PLCB1: variants seen among roughly 807,000 people sequenced by gnomAD.
PLCB1 encodes 1-phosphatidylinositol 4,5-bisphosphate phosphodiesterase beta-1.
PLCB1 carries 46 observed loss-of-function variants against 161.8 expected under a neutral mutation model. The ratio of observed to expected loss-of-function variants is 0.28; its 90% CI spans 0.22 to 0.36. PLCB1 has a LOEUF of 0.36. Among genes scored for constraint, PLCB1 ranks in the 10% least tolerant of loss-of-function variants. The probability of loss-of-function intolerance (pLI) is 1.00; values close to 1 mark genes in which losing one functional copy is unlikely to be tolerated. For synonymous variants in PLCB1, 517 were observed against 503.7 expected (o/e 1.03, Z -0.35); for missense variants, 1,016 against 1,472.5 (o/e 0.69, Z 5.07).
intron 2 of PLCB1, among the ~76,000 whole-genome samples, chr20:8,299,503 C>T (rs1048924265): frequency 2.6e-5 from 4 of 152,164 alleles, no homozygotes; most frequent in Non-Finnish European, 4.4e-5. Flanking sequence ...TGGATGGAAA[C>T]ATACCTGCTG....
In PLCB1 at chr20:8,729,187, T is replaced by C. The variant is rs1980097103; in HGVS notation, c.1888+13T>C. On this transcript the variant is annotated intron_variant, in intron 18 of 31. Transcript: ENST00000338037. ...TTCCAGACAATGGGTAAGTACATGC[T>C]TGTTCCCATTCTGCTATGAACTCAC... 6.3e-7 allele frequency: 1 copy of C among 1,596,114 alleles called. No individual in the cohort carries two copies.
At chr20:8,673,927 C>G (rs1414202614) in intron 9 of PLCB1, among the ~76,000 whole-genome samples, 1 of 152,152 alleles carries the variant, frequency 6.6e-6, no homozygotes, top group Non-Finnish European at 1.5e-5. Flanking sequence ...TGACAGCTCT[C>G]TTTAGCTGCC....
intron 3 of PLCB1, among the ~76,000 whole-genome samples, chr20:8,549,051 G>A (rs970831915): frequency 4.2e-4 from 64 of 152,222 alleles, no homozygotes; most frequent in African/African-American, 1.5e-3. Context: ...AATACATGCA[G>A]GGCTTAAAAC....
At chr20:8,790,671 C>G (rs1218888091) in intron 31 of PLCB1, among the ~76,000 whole-genome samples, 1 of 152,122 alleles carries the variant, frequency 6.6e-6, no homozygotes, top group East Asian at 1.9e-4. Flanking sequence ...ATGCCCTGCA[C>G]CAAAATCACT....
chr20:8,488,062 A>T (rs953208662), intron 3 of PLCB1, among the ~76,000 whole-genome samples: 6 of 152,220 alleles, frequency 3.9e-5, no homozygotes, highest in African/African-American at 1.4e-4. Flanking sequence ...TCGAAGTCTT[A>T]CTATGTTTAA....
At chr20:8,414,491 T>G (rs761230918) in intron 3 of PLCB1, among the ~76,000 whole-genome samples, 2 of 152,106 alleles carry the variant, frequency 1.3e-5, no homozygotes, top group African/African-American at 4.8e-5. Flanking sequence ...TTCTGAATCC[T>G]GTATGAATGC....
chr20:8,318,219 A>G (rs1984747477), intron 2 of PLCB1, among the ~76,000 whole-genome samples: 2 of 152,186 alleles, frequency 1.3e-5, no homozygotes, highest in African/African-American at 4.8e-5. Context: ...TCTAGGACTT[A>G]AAAGTCTTTT....
chr20:8,392,622 A>G (rs75536780), intron 3 of PLCB1, among the ~76,000 whole-genome samples: 4,551 of 152,276 alleles, frequency 0.03, 104 homozygotes, highest in Non-Finnish European at 0.044. Flanking sequence ...TGGGAGAACT[A>G]AATGATATAC....
intron 23 of PLCB1, 114 bp downstream of exon 23, chr20:8,741,687 A>T: frequency 1.5e-6 from 1 of 657,982 alleles, no homozygotes; most frequent in East Asian, 2.8e-5. Flanking sequence ...ACATTGGAAC[A>T]ACACTTTCAT....
chr20:8,766,670 T>A (rs369085302), intron 26 of PLCB1, among the ~76,000 whole-genome samples: 12 of 152,166 alleles, frequency 7.9e-5, no homozygotes, highest in East Asian at 3.9e-4. Flanking sequence ...ATGGCGAAAT[T>A]TGAGAGTCTC....
chr20:8,438,031 T>G (rs1980387148), intron 3 of PLCB1, among the ~76,000 whole-genome samples: 2 of 152,332 alleles, frequency 1.3e-5, no homozygotes, highest in South Asian at 4.1e-4. Context: ...GTTTATTTTA[T>G]TATTTGTAGA....
At chr20:8,447,773 G>A (rs1262613242) in intron 3 of PLCB1, among the ~76,000 whole-genome samples, 1 of 152,162 alleles carries the variant, frequency 6.6e-6, no homozygotes, top group East Asian at 1.9e-4. Flanking sequence ...ATCACTATGC[G>A]GAATATGATT....
intron 2 of PLCB1, among the ~76,000 whole-genome samples, chr20:8,342,606 T>G (rs1411883571): frequency 2.6e-5 from 4 of 152,282 alleles, no homozygotes; most frequent in South Asian, 2.1e-4. Flanking sequence ...TCCTGTGAAC[T>G]GTTGATCTGT....
intron 2 of PLCB1, among the ~76,000 whole-genome samples, chr20:8,301,058 A>G (rs1181755269): frequency 6.6e-6 from 1 of 152,172 alleles, no homozygotes; most frequent in Non-Finnish European, 1.5e-5. Flanking sequence ...ACAATGCTGC[A>G]TTACGGAGAG....
intron 2 of PLCB1, among the ~76,000 whole-genome samples, chr20:8,318,912 T>C (rs1054308590): frequency 4.6e-5 from 7 of 152,166 alleles, no homozygotes; most frequent in Non-Finnish European, 8.8e-5. Context: ...CTTACTTTTA[T>C]AAAATTGTCA....
chr20:8,763,156 T>A (rs6056072), intron 25 of PLCB1, among the ~76,000 whole-genome samples: 46,138 of 152,118 alleles, frequency 0.3, 7,050 homozygotes, highest in Middle Eastern at 0.48. Context: ...ACATATTTTT[T>A]AAATGCACAT....
At position 8,567,894 on chromosome 20, in the gene PLCB1, T is replaced by C. The variant is rs1409384126; in HGVS notation, c.247-60400T>C. Reference sequence around the variant, plus strand: ...CGACTTAGCAACTAAAGCTGTGACTTTGAAGTCAATTTATACTTTAAAGGG... The same window carrying C: ...CGACTTAGCAACTAAAGCTGTGACTCTGAAGTCAATTTATACTTTAAAGGG... On this transcript the variant is annotated intron_variant, in intron 3 of 31. Transcript: ENST00000338037. Among the ~76,000 whole-genome samples, 5 of 152,322 alleles carry C rather than the reference T, an allele frequency of 3.3e-5. No homozygotes were observed. The East Asian group carries it at 7.7e-4, about 24-fold the overall frequency.
At chr20:8,561,493 A>G (rs1417664139) in intron 3 of PLCB1, among the ~76,000 whole-genome samples, 2 of 151,900 alleles carry the variant, frequency 1.3e-5, no homozygotes, top group Admixed American at 1.3e-4. Flanking sequence ...ACAAAATACA[A>G]TGAGTCTGAA....
intron 8 of PLCB1, 72 bp from the exon 9 acceptor site, chr20:8,658,466 G>C: frequency 1.7e-6 from 2 of 1,146,940 alleles, no homozygotes; most frequent in Non-Finnish European, 2.5e-6. Context: ...TATTTCCCTA[G>C]AGTTAAATGC....
Sources: gnomAD v4.1 joint callset for allele counts (sites outside exome capture counted in the v4.1 genomes callset) on GRCh38, gnomAD v4.1.1 for gene constraint, MANE v1.5 for transcripts, NCBI Gene and HGNC (gene_info 2026-07-23, HGNC 2026-07-21) for gene names.